The following DNM1 variants were observed in gnomAD, a reference collection of about 807,000 sequenced individuals.
DNM1 encodes the protein dynamin 1.
Under a neutral mutation model 104.6 loss-of-function variants are expected in DNM1, and 29 were observed. The observed-to-expected ratio is 0.28, with a 90% CI of 0.21 to 0.38. The LOEUF (loss-of-function observed/expected upper bound fraction) is 0.38, where lower values mean the gene tolerates loss of function less well. DNM1 is among the 10% of genes least tolerant of loss of function. DNM1 has a pLI of 1.00. For synonymous variants in DNM1, 445 were observed against 475.8 expected (o/e 0.94, Z 0.84); for missense variants, 640 against 1,189.4 (o/e 0.54, Z 6.79).
chr9:128,233,656 C>T, intron 10 of DNM1: 1 of 267,686 alleles, frequency 3.7e-6, no homozygotes, highest in South Asian at 4.6e-5. Flanking sequence ...TATGAGGGAA[C>T]ACCTTGGGAG....
intron 10 of DNM1, chr9:128,232,689 C>A: frequency 6.5e-6 from 1 of 152,688 alleles, no homozygotes. Flanking sequence ...CAGCTTTGCC[C>A]CATCGTGCTG....
rs369464140 is a variant in DNM1 at position 128,227,009 on chromosome 9, CTTTTTTT to C, written c.1335+2637_1335+2643del. Reference sequence around the variant, plus strand: ...AAATAAGCATCAATCATCTCCATTCCTTTTTTTTTTTTTTTTTTTTTTTGAGATGGAA... The same window carrying C: ...AAATAAGCATCAATCATCTCCATTCCTTTTTTTTTTTTTTTTGAGATGGAA... On this transcript the variant is annotated intron_variant, in intron 10 of 21. Coordinates refer to ENST00000372923, the MANE Select transcript of DNM1 (RefSeq NM_004408.4). Among the ~76,000 whole-genome samples, 288 of 101,780 alleles carry C rather than the reference CTTTTTTT, an allele frequency of 2.8e-3. 3 individuals carry two copies. The highest frequency in any genetic ancestry group is 0.011 in the African/African-American group (267 of 23,362). 66.8% of individuals were successfully genotyped at this position (101,780 alleles called of 152,430 possible). A position where few individuals can be genotyped will look rare whatever the true frequency, so the allele number is the denominator to read the frequency against.
chr9:128,251,342 C>T (rs1266001615), intron 21 of DNM1: 2 of 362,450 alleles, frequency 5.5e-6, no homozygotes, highest in African/African-American at 4.3e-5. Flanking sequence ...TACCTTAGGT[C>T]TGACTCTGAA....
At chr9:128,207,350 A>G (rs1834031125) in intron 1 of DNM1, among the ~76,000 whole-genome samples, 1 of 151,958 alleles carries the variant, frequency 6.6e-6, no homozygotes. Flanking sequence ...AGAGTAGATG[A>G]GCTCATCCTG....
rs923797389 is a variant in DNM1 at position 128,250,176 on chromosome 9, C to T, written c.2138C>T (p.Thr713Met). 7 of 1,614,086 alleles carry T rather than the reference C, an allele frequency of 4.3e-6. No homozygotes were observed. The highest frequency in any genetic ancestry group is 1.3e-5 in the African/African-American group (1 of 74,940). Reference sequence around the variant, plus strand: ...CTGTACTCGTGTGGGGACCAGAACACGCTGATGGAGGAGTCGGCGGAGCAG... The same window carrying T: ...CTGTACTCGTGTGGGGACCAGAACATGCTGATGGAGGAGTCGGCGGAGCAG... ...ANLYSCGDQNTLMEESAEQAQ... is the reference protein window; with the variant it reads ...ANLYSCGDQNMLMEESAEQAQ... Residue 713 changes from threonine to methionine, a missense_variant, in exon 20 of 22, where the codon ACG (threonine) becomes ATG (methionine). Coordinates refer to ENST00000372923, the MANE Select transcript of DNM1 (RefSeq NM_004408.4).
At chr9:128,250,398 G>A (rs1044702734) in intron 20 of DNM1, 42 bp downstream of exon 20, 8 of 1,519,482 alleles carry the variant, frequency 5.3e-6, no homozygotes, top group South Asian at 1.2e-5. Flanking sequence ...CCCCCAGCCC[G>A]GGGCCCGCGG....
At chr9:128,250,048 C>T in intron 19 of DNM1, 67 bp from the exon 20 acceptor site, 3 of 1,611,614 alleles carry the variant, frequency 1.9e-6, no homozygotes, top group Non-Finnish European at 2.5e-6. Flanking sequence ...CCAGCAGGGC[C>T]CGGTGGGGCG....
chr9:128,234,557 A>G (rs1161377323), intron 11 of DNM1, among the ~76,000 whole-genome samples: 1 of 152,104 alleles, frequency 6.6e-6, no homozygotes, highest in Non-Finnish European at 1.5e-5. Context: ...TATTTTTAGT[A>G]CAGACAGGGT....
At chr9:128,235,676 C>A (rs1011206982) in intron 11 of DNM1, among the ~76,000 whole-genome samples, 3 of 152,000 alleles carry the variant, frequency 2.0e-5, no homozygotes, top group African/African-American at 7.3e-5. Flanking sequence ...TGAGTATATA[C>A]CTAAAAGTGG....
intron 1 of DNM1, among the ~76,000 whole-genome samples, chr9:128,210,447 C>T (rs910326988): frequency 6.6e-6 from 1 of 151,712 alleles, no homozygotes; most frequent in South Asian, 2.1e-4. Context: ...CTGCAACCTC[C>T]GCCTCCCAGG....
At position 128,253,451 on chromosome 9, in the gene DNM1, G is replaced by A. The variant is rs1829653692; in HGVS notation, c.2535-1203G>A. ...CGTCAGAGAGGGCAGAGAGCTCGTG[G>A]TTTATGGTGTAAAGGCTGGGAGCTT... On this transcript the variant is annotated intron_variant, in intron 21 of 21. Coordinates refer to ENST00000372923, the MANE Select transcript of DNM1 (RefSeq NM_004408.4). The surrounding 1 kb of genome is among the most constrained non-coding windows in gnomAD (Gnocchi z 5.9). The A allele has an allele frequency of 4.5e-6, 2 of 448,368 alleles. No individual in the cohort carries two copies. The highest frequency in any genetic ancestry group is 3.8e-5 in the Admixed American group (1 of 26,114). 27.8% of individuals were successfully genotyped at this position (448,368 alleles called of 1,614,324 possible).
At chr9:128,207,803 A>G (rs921113325) in intron 1 of DNM1, among the ~76,000 whole-genome samples, 12 of 152,126 alleles carry the variant, frequency 7.9e-5, no homozygotes, top group Non-Finnish European at 1.2e-4. Context: ...CGCTGCTTCT[A>G]TCCCTGCCTG....
intron 10 of DNM1, among the ~76,000 whole-genome samples, chr9:128,229,912 C>T (rs1835572173): frequency 6.7e-6 from 1 of 148,576 alleles, no homozygotes; most frequent in East Asian, 2.0e-4. Context: ...GACTCCGTCT[C>T]AAAGGAAAAA....
In DNM1 at chr9:128,253,968, T is replaced by C. The variant is rs1829694052; in HGVS notation, c.2535-686T>C. 1 of 1,232,852 alleles carries C rather than the reference T, an allele frequency of 8.1e-7. No homozygotes were observed. Among genetic ancestry groups the C allele is most frequent in the African/African-American group, 1.6e-5 (1 of 64,268 alleles). The allele number at this position is 1,232,852 out of a possible 1,614,324, so 76.4% of individuals were successfully genotyped here. On this transcript the variant is annotated intron_variant, in intron 21 of 21. Transcript: ENST00000372923. This position sits in a 1 kb window ranked among gnomAD's most constrained non-coding sequence, Gnocchi z 5.9. ...TCCGCCCAGTGAGCCCACCCCCCAT[T>C]CTCCTGCCACTGACTCTCGCTCTTC... is the stretch of plus-strand genomic sequence containing the variant.
chr9:128,232,245 G>C (rs1835740820), intron 10 of DNM1: 1 of 342,628 alleles, frequency 2.9e-6, no homozygotes, highest in Non-Finnish European at 5.8e-6. Context: ...AGGAGGCCTG[G>C]TGGCTGTGAC....
At chr9:128,251,164 G>C (rs764884037) in intron 21 of DNM1, 20 of 682,448 alleles carry the variant, frequency 2.9e-5, no homozygotes, top group Non-Finnish European at 4.8e-5. Context: ...CTGGGGAGGG[G>C]GCTGTGGGGC....
intron 10 of DNM1, chr9:128,225,936 C>A: frequency 9.1e-7 from 1 of 1,104,440 alleles, no homozygotes; most frequent in Non-Finnish European, 1.4e-6. Context: ...GTGCCATCCT[C>A]TCCACCCCTG....
In DNM1 at chr9:128,253,716, C is replaced by T. The variant is rs1829670805; in HGVS notation, c.2535-938C>T. On this transcript the variant is annotated intron_variant, in intron 21 of 21. Transcript: ENST00000372923. This position sits in a 1 kb window ranked among gnomAD's most constrained non-coding sequence, Gnocchi z 5.9. Reference sequence around the variant, plus strand: ...AGGGTAAAAGCTTGAGAGTCCCATACACACGGTCATCCCACGACATACCTC... The same window carrying T: ...AGGGTAAAAGCTTGAGAGTCCCATATACACGGTCATCCCACGACATACCTC... The T allele has an allele frequency of 3.3e-6, 1 of 305,028 alleles. No individual in the cohort carries two copies. Among genetic ancestry groups the T allele is most frequent in the African/African-American group, 2.2e-5 (1 of 46,178 alleles). 18.9% of individuals were successfully genotyped at this position (305,028 alleles called of 1,614,324 possible). A position where few individuals can be genotyped will look rare whatever the true frequency, so the allele number is the denominator to read the frequency against.
chr9:128,211,903 G>C (rs73611672), intron 1 of DNM1, among the ~76,000 whole-genome samples: 1 of 152,006 alleles, frequency 6.6e-6, no homozygotes, highest in Non-Finnish European at 1.5e-5. Flanking sequence ...CTCCAACCAT[G>C]GTTAATATTA....
Sources: allele counts gnomAD v4.1 joint callset (sites outside exome capture counted in the v4.1 genomes callset), GRCh38; gene constraint gnomAD v4.1.1; non-coding constraint Gnocchi (gnomAD v3.1); transcripts MANE v1.5; gene names NCBI Gene and HGNC (gene_info 2026-07-23, HGNC 2026-07-21).